Variants in KLRB1 observed in about 807,000 individuals in gnomAD.
KLRB1 encodes the protein killer cell lectin-like receptor subfamily B member 1.
In KLRB1, 27 loss-of-function variants were observed where a neutral mutation model predicts 33.5. The ratio of observed to expected loss-of-function variants is 0.81; its 90% CI spans 0.59 to 1.11. The LOEUF (loss-of-function observed/expected upper bound fraction) is 1.11, where lower values mean the gene tolerates loss of function less well. Among genes scored for constraint, KLRB1 ranks in the 50% most tolerant of loss-of-function variants. The pLI is 0.00. For synonymous variants in KLRB1, 64 were observed against 88.9 expected (o/e 0.72, Z 1.58); for missense variants, 241 against 254.1 (o/e 0.95, Z 0.35).
Position 9,606,756 on chromosome 12 carries a change from A to ATTTTTTTTTTTTT in KLRB1, c.85+998_85+999insAAAAAAAAAAAAA, listed in dbSNP as rs1188705968. Among the ~76,000 whole-genome samples the ATTTTTTTTTTTTT allele has an allele frequency of 2.7e-3, 85 of 31,502 alleles. 4 individuals carry two copies. The highest frequency in any genetic ancestry group is 3.7e-3 in the Non-Finnish European group (65 of 17,440). The allele number at this position is 31,502 out of a possible 152,430, so 20.7% of individuals were successfully genotyped here. On this transcript the variant is annotated intron_variant, in intron 1 of 5. Coordinates refer to ENST00000229402, the MANE Select transcript of KLRB1 (RefSeq NM_002258.3). Reference sequence around the variant, plus strand: ...AAAGTATATATATATATATATATATATATATTTTTTTTTTTTTTTTGAGAT... The same window carrying ATTTTTTTTTTTTT: ...AAAGTATATATATATATATATATATATTTTTTTTTTTTTTATATTTTTTTTTTTTTTTTGAGAT...
At chr12:9,595,986 G>A (rs925959346) in intron 5 of KLRB1, among the ~76,000 whole-genome samples, 2 of 152,182 alleles carry the variant, frequency 1.3e-5, no homozygotes, top group African/African-American at 4.8e-5. Context: ...TCCAAACAGA[G>A]GTGAACAGGT....
chr12:9,607,459 C>G (rs1337481160), intron 1 of KLRB1, among the ~76,000 whole-genome samples: 1 of 146,818 alleles, frequency 6.8e-6, no homozygotes, highest in South Asian at 2.2e-4. Flanking sequence ...GCAGGGGTAA[C>G]CAATAGGCAG....
At position 9,594,705 on chromosome 12, in the gene KLRB1, A is replaced by T. The variant is rs968689499; in HGVS notation, c.*569T>A. The T allele has an allele frequency of 1.3e-5, 2 of 152,202 alleles. No homozygotes were observed. Among genetic ancestry groups the T allele is most frequent in the Non-Finnish European group, 2.9e-5 (2 of 68,060 alleles). The allele number at this position is 152,202 out of a possible 1,614,324, so 9.4% of individuals were successfully genotyped here. A position where few individuals can be genotyped will look rare whatever the true frequency, so the allele number is the denominator to read the frequency against. On this transcript the variant is annotated 3_prime_UTR_variant, in exon 6 of 6. Transcript: ENST00000229402. ...GAAAAGAAATGACAGGATGAAGAAA[A>T]GCTGGCTAGGGGCAATAAATTTTCT...
intron 5 of KLRB1, among the ~76,000 whole-genome samples, chr12:9,597,457 A>G (rs1473924051): frequency 1.3e-5 from 2 of 152,130 alleles, no homozygotes; most frequent in African/African-American, 2.4e-5. Context: ...AATTTTGACC[A>G]TCTTACACAA....
chr12:9,605,921 T>C (rs149863377), intron 1 of KLRB1, among the ~76,000 whole-genome samples: 192 of 152,016 alleles, frequency 1.3e-3, no homozygotes, highest in African/African-American at 4.6e-3. Flanking sequence ...TTGGGAAGAG[T>C]CTCACTACCT....
chr12:9,598,792 A>G, intron 3 of KLRB1, 139 bp from the exon 4 acceptor site: 1 of 561,660 alleles, frequency 1.8e-6, no homozygotes, highest in Non-Finnish European at 3.0e-6. Flanking sequence ...TGAATTTGTT[A>G]TAAAGTTGAG....
intron 2 of KLRB1, among the ~76,000 whole-genome samples, chr12:9,601,157 T>C (rs1236410622): frequency 6.8e-6 from 1 of 147,310 alleles, no homozygotes; most frequent in African/African-American, 2.5e-5. Context: ...TTGTCTATGA[T>C]GCAAAGACCT....
rs1388776394 is a variant in KLRB1 at position 9,603,908 on chromosome 12, G to T, written c.86-2309C>A. Among the ~76,000 whole-genome samples the T allele has an allele frequency of 2.6e-5, 4 of 152,054 alleles. No homozygotes were observed. The East Asian group carries it at 7.7e-4, about 29-fold the overall frequency. Reference sequence around the variant, plus strand: ...CTGTGAAATGTGGAATATTATCTATGTCATAATATTTTGGAGAGGATTATA... The same window carrying T: ...CTGTGAAATGTGGAATATTATCTATTTCATAATATTTTGGAGAGGATTATA... On this transcript the variant is annotated intron_variant, in intron 1 of 5. Transcript: ENST00000229402.
chr12:9,607,228 CA>C (rs1268619505), intron 1 of KLRB1, among the ~76,000 whole-genome samples: 39 of 124,868 alleles, frequency 3.1e-4, no homozygotes, highest in Non-Finnish European at 4.9e-4. Context: ...TCCTTCCTTC[CA>C]TCCTTCCTTC....
chr12:9,606,632 T>C (rs1864602101), intron 1 of KLRB1, among the ~76,000 whole-genome samples: 1 of 140,054 alleles, frequency 7.1e-6, no homozygotes, highest in African/African-American at 2.6e-5. Context: ...AGTATGTTAC[T>C]CATTAAGCCT....
At chr12:9,597,385 A>G (rs1245717911) in intron 5 of KLRB1, among the ~76,000 whole-genome samples, 1 of 149,792 alleles carries the variant, frequency 6.7e-6, no homozygotes, top group Non-Finnish European at 1.5e-5. Context: ...AAAATTATCC[A>G]TGAATTCTGC....
Position 9,595,437 on chromosome 12 carries a change from A to C in KLRB1, c.531-16T>G, listed in dbSNP as rs758901956. On this transcript the variant is annotated splice_polypyrimidine_tract_variant and intron_variant, in intron 5 of 5. Coordinates refer to ENST00000229402, the MANE Select transcript of KLRB1 (RefSeq NM_002258.3). ...AATTTCTAAGCTGTGGAGCAAAAGA[A>C]AAGTCTGTCTTAGCATTTATGATTT... 1 of 1,609,850 alleles carries C rather than the reference A, an allele frequency of 6.2e-7. No individual in the cohort carries two copies. Among genetic ancestry groups the C allele is most frequent in the South Asian group, 1.1e-5 (1 of 91,008 alleles).
intron 2 of KLRB1, among the ~76,000 whole-genome samples, chr12:9,600,695 G>A (rs1022510254): frequency 6.6e-6 from 1 of 152,056 alleles, no homozygotes; most frequent in Non-Finnish European, 1.5e-5. Flanking sequence ...ATGCTTGAAG[G>A]CAGCATGCTC....
intron 3 of KLRB1, 31 bp from the exon 4 acceptor site, chr12:9,598,684 T>C: frequency 6.5e-7 from 1 of 1,542,150 alleles, no homozygotes; most frequent in Non-Finnish European, 8.9e-7. Context: ...AAGAAATAAA[T>C]GTTATATTTC....
At chr12:9,600,004 C>G (rs1188226686) in intron 2 of KLRB1, among the ~76,000 whole-genome samples, 163 bp from the exon 3 acceptor site, 3 of 150,566 alleles carry the variant, frequency 2.0e-5, no homozygotes, top group African/African-American at 7.3e-5. Context: ...AAAGATCTCA[C>G]CTACAGGAAG....
intron 3 of KLRB1, 23 bp from the exon 4 acceptor site, chr12:9,598,676 G>T (rs1438159175): frequency 1.3e-6 from 2 of 1,573,874 alleles, no homozygotes; most frequent in Non-Finnish European, 1.7e-6. Context: ...ACAGAAATAA[G>T]AAATAAATGT....
intron 5 of KLRB1, among the ~76,000 whole-genome samples, 154 bp from the exon 6 acceptor site, chr12:9,595,575 T>C (rs1215592542): frequency 6.6e-6 from 1 of 152,160 alleles, no homozygotes; most frequent in Non-Finnish European, 1.5e-5. Context: ...GTATGAACTT[T>C]TAAGATAGAG....
intron 1 of KLRB1, among the ~76,000 whole-genome samples, chr12:9,603,636 A>G (rs547060557): frequency 1.6e-3 from 226 of 145,470 alleles, no homozygotes; most frequent in Middle Eastern, 3.4e-3. Context: ...GGGTTTCTCC[A>G]TGTTGGTCAG....
intron 1 of KLRB1, among the ~76,000 whole-genome samples, chr12:9,607,174 T>C (rs1864614836): frequency 6.6e-6 from 1 of 152,134 alleles, no homozygotes; most frequent in Non-Finnish European, 1.5e-5. Context: ...GTTTGCAATG[T>C]GTCTTAAATA....
Sources: gnomAD v4.1 joint callset for allele counts (sites outside exome capture counted in the v4.1 genomes callset) on GRCh38, gnomAD v4.1.1 for gene constraint, MANE v1.5 for transcripts, NCBI Gene and HGNC (gene_info 2026-07-23, HGNC 2026-07-21) for gene names.